The following PPP1R12B variants were observed in gnomAD, a reference collection of about 807,000 sequenced individuals.
PPP1R12B encodes the protein protein phosphatase 1 regulatory subunit 12B.
A neutral mutation model predicts 126.1 loss-of-function variants in PPP1R12B; 76 were observed. That is an observed-to-expected ratio of 0.60 (90% CI 0.50 to 0.73). PPP1R12B has a LOEUF of 0.73. Ranked by LOEUF, PPP1R12B falls within the 30% of genes least tolerant of loss-of-function variation. The pLI, the probability that PPP1R12B is intolerant of heterozygous loss-of-function variation, is 0.00. For synonymous variants in PPP1R12B, 356 were observed against 434.7 expected (o/e 0.82, Z 2.25); for missense variants, 1,052 against 1,205.1 (o/e 0.87, Z 1.88).
At chr1:202,575,920 C>T (rs1280650918) in intron 23 of PPP1R12B, 1 of 152,234 alleles carries the variant, frequency 6.6e-6, no homozygotes, top group Non-Finnish European at 1.5e-5. Flanking sequence ...GCTCCACTAC[C>T]AGCAAAAACA....
rs1490676801 is a variant in PPP1R12B, at chr1:202,518,677, CT to C, written c.2490+21862del. ...ATTTCTGTGATGAGACTAAATGTGA[CT>C]TTTTTTCTGCTTTTCTTTATTTCCC... On this transcript the variant is annotated intron_variant, in intron 18 of 23. Transcript: ENST00000608999. Among the ~76,000 whole-genome samples, 4 of 152,276 alleles carry C rather than the reference CT, an allele frequency of 2.6e-5. No homozygotes were observed. The East Asian group carries it at 7.7e-4, about 29-fold the overall frequency.
At position 202,588,718 on chromosome 1, in the gene PPP1R12B, G is replaced by C. The variant is rs1689969469; in HGVS notation, c.*8158G>C. The C allele has an allele frequency of 6.6e-6, 1 of 152,050 alleles. No homozygotes were observed. Among genetic ancestry groups the C allele is most frequent in the Admixed American group, 6.6e-5 (1 of 15,264 alleles). 9.4% of individuals were successfully genotyped at this position (152,050 alleles called of 1,614,324 possible). ...CATAGAGGCCCCTTCCCCAGGGACA[G>C]CCACAGTGAGTCATGGCCACTGAGA... On this transcript the variant is annotated 3_prime_UTR_variant, in exon 24 of 24. Coordinates refer to ENST00000608999, the MANE Select transcript of PPP1R12B (RefSeq NM_002481.4).
chr1:202,408,493 A>G (rs566315516), intron 1 of PPP1R12B, among the ~76,000 whole-genome samples: 4 of 152,340 alleles, frequency 2.6e-5, no homozygotes, highest in African/African-American at 9.6e-5. Flanking sequence ...GATTGAGGAT[A>G]TGGCAGACTC....
intron 1 of PPP1R12B, among the ~76,000 whole-genome samples, chr1:202,364,726 G>A (rs552004691): frequency 1.9e-4 from 29 of 152,162 alleles, no homozygotes; most frequent in South Asian, 1.0e-3. Flanking sequence ...ACAGGCGCCC[G>A]CCACCATGCT....
At chr1:202,555,324 T>TTAAAAAAAA (rs1686776254) in intron 18 of PPP1R12B, among the ~76,000 whole-genome samples, 1 of 5,028 alleles carries the variant, frequency 2.0e-4, no homozygotes, top group East Asian at 0.022. Flanking sequence ...CCTGTTTTAA[T>TTAAAAAAAA]GAAAAAAAAA....
Position 202,493,318 on chromosome 1 carries a change from G to A in PPP1R12B, c.2145+1G>A. 6.2e-7 allele frequency: 1 copy of A among 1,611,368 alleles called. No homozygotes were observed. Among genetic ancestry groups the A allele is most frequent in the Non-Finnish European group, 8.5e-7 (1 of 1,179,464 alleles). The stretch of plus-strand genomic sequence containing the variant: ...CTGGGGCAGGAGTCTGGATGAAGAG[G>A]TGAGCTCATTTTTGCTGGCATGTAC... On this transcript the variant is annotated splice_donor_variant, in intron 15 of 23. Transcript: ENST00000608999. LOFTEE classifies it high-confidence loss of function.
At chr1:202,467,474 G>A (rs1018844938) in intron 13 of PPP1R12B, among the ~76,000 whole-genome samples, 4 of 151,884 alleles carry the variant, frequency 2.6e-5, no homozygotes, top group African/African-American at 4.8e-5. Context: ...AACATGCGGT[G>A]TTTGGTTTTT....
At chr1:202,365,485 C>A (rs1479322643) in intron 1 of PPP1R12B, among the ~76,000 whole-genome samples, 2 of 152,028 alleles carry the variant, frequency 1.3e-5, no homozygotes, top group Non-Finnish European at 2.9e-5. Context: ...CCAAGTGTTG[C>A]TATGCATTTT....
intron 1 of PPP1R12B, among the ~76,000 whole-genome samples, chr1:202,377,846 T>TG (rs1661479118): frequency 7.1e-6 from 1 of 140,158 alleles, no homozygotes; most frequent in East Asian, 2.0e-4. Flanking sequence ...TTTTTTTTTT[T>TG]TTTTTTTTTT....
intron 1 of PPP1R12B, among the ~76,000 whole-genome samples, chr1:202,384,431 G>A (rs529940511): frequency 7.2e-5 from 11 of 152,256 alleles, no homozygotes; most frequent in South Asian, 2.1e-4. Flanking sequence ...AACATTACGC[G>A]AAGTGAAAGA....
At chr1:202,464,560 C>A (rs536491007) in intron 13 of PPP1R12B, among the ~76,000 whole-genome samples, 1 of 152,152 alleles carries the variant, frequency 6.6e-6, no homozygotes, top group East Asian at 1.9e-4. Flanking sequence ...CACACAAGAG[C>A]GACAGGTACA....
At chr1:202,484,047 G>A (rs1392796845) in intron 13 of PPP1R12B, among the ~76,000 whole-genome samples, 2 of 152,076 alleles carry the variant, frequency 1.3e-5, no homozygotes, top group Admixed American at 6.6e-5. Flanking sequence ...GTTGGGTCTT[G>A]TTTTTAATCC....
chr1:202,425,814 A>G, intron 4 of PPP1R12B, 89 bp downstream of exon 4: 2 of 1,296,018 alleles, frequency 1.5e-6, no homozygotes, highest in Non-Finnish European at 2.1e-6. Flanking sequence ...ATTTTCCGCT[A>G]TGACGTGTTT....
chr1:202,366,405 G>C (rs1157131001), intron 1 of PPP1R12B, among the ~76,000 whole-genome samples: 1 of 151,354 alleles, frequency 6.6e-6, no homozygotes, highest in African/African-American at 2.4e-5. Flanking sequence ...TGTAATCCCA[G>C]CTACTCGGGA....
chr1:202,531,742 A>G (rs1200364047), intron 18 of PPP1R12B, among the ~76,000 whole-genome samples: 2 of 152,156 alleles, frequency 1.3e-5, no homozygotes, highest in Non-Finnish European at 2.9e-5. Flanking sequence ...AAGTTTATAA[A>G]CTAACCTACC....
At chr1:202,568,404 G>C (rs1245931925) in intron 22 of PPP1R12B, among the ~76,000 whole-genome samples, 1 of 152,156 alleles carries the variant, frequency 6.6e-6, no homozygotes, top group African/African-American at 2.4e-5. Context: ...TCTTGGATTG[G>C]GAAAATTCAA....
chr1:202,501,254 A>G (rs1390634584), intron 18 of PPP1R12B, among the ~76,000 whole-genome samples: 3 of 152,216 alleles, frequency 2.0e-5, no homozygotes, highest in African/African-American at 7.2e-5. Flanking sequence ...TTTCTTTACT[A>G]TAGTAGTAAT....
intron 1 of PPP1R12B, among the ~76,000 whole-genome samples, chr1:202,388,226 G>A (rs1663490614): frequency 6.6e-6 from 1 of 151,780 alleles, no homozygotes; most frequent in Non-Finnish European, 1.5e-5. Flanking sequence ...CTCTGTCACC[G>A]AGGCTGAAGG....
chr1:202,428,670 G>A, intron 5 of PPP1R12B, 185 bp from the exon 6 acceptor site: 1 of 557,198 alleles, frequency 1.8e-6, no homozygotes, highest in Non-Finnish European at 3.1e-6. Flanking sequence ...AGGATTTGGT[G>A]TTTCTTGTTA....
Sources: allele counts gnomAD v4.1 joint callset (sites outside exome capture counted in the v4.1 genomes callset), GRCh38; gene constraint gnomAD v4.1.1; transcripts MANE v1.5; gene names NCBI Gene and HGNC (gene_info 2026-07-23, HGNC 2026-07-21).